RAB27B: variants seen among roughly 807,000 people sequenced by gnomAD.
The protein encoded by RAB27B is ras-related protein Rab-27B.
A neutral mutation model predicts 24.6 loss-of-function variants in RAB27B; 15 were observed. The observed-to-expected ratio is 0.61, with a 90% CI of 0.41 to 0.94. The LOEUF is 0.94. Among genes scored for constraint, RAB27B ranks in the 40% least tolerant of loss-of-function variants. RAB27B has a pLI of 0.00. For synonymous variants in RAB27B, 105 were observed against 92.5 expected (o/e 1.14, Z -0.78); for missense variants, 261 against 266.8 (o/e 0.98, Z 0.15).
intron 2 of RAB27B, among the ~76,000 whole-genome samples, chr18:54,734,039 A>G (rs370413873): frequency 3.3e-5 from 5 of 152,234 alleles, no homozygotes; most frequent in African/African-American, 9.6e-5. Flanking sequence ...AGGGTTAAAG[A>G]TAGCTTAAGA....
At chr18:54,718,110 C>T (rs1675592929) in exon 2 of RAB27B, 1 of 152,162 alleles carries the variant, frequency 6.6e-6, no homozygotes, top group South Asian at 2.1e-4. Flanking sequence ...CTAGATATTT[C>T]CAGAGGCTGC....
At position 54,865,833 on chromosome 18, in the gene RAB27B, C is replaced by A. The variant is rs553399515; in HGVS notation, c.-19-11734C>A. Among the ~76,000 whole-genome samples, 18 of 152,268 alleles carry A rather than the reference C, an allele frequency of 1.2e-4. 1 individual carries two copies. The South Asian group carries it at 3.7e-3, about 32-fold the overall frequency. On this transcript the variant is annotated intron_variant, in intron 1 of 5. Coordinates refer to ENST00000262094, the MANE Select transcript of RAB27B (RefSeq NM_004163.4). ...AACTATAGGCCAGTTCACTGAAAGA[C>A]CCTCTCAGCTGTTTATCAGGATATA...
intron 2 of RAB27B, among the ~76,000 whole-genome samples, chr18:54,776,704 G>T (rs1481037538): frequency 6.6e-6 from 1 of 152,124 alleles, no homozygotes; most frequent in Non-Finnish European, 1.5e-5. Context: ...TCAAGTTTAT[G>T]ACCAAAATGC....
intron 2 of RAB27B, among the ~76,000 whole-genome samples, chr18:54,814,703 TAAC>T (rs1287869477): frequency 6.6e-6 from 1 of 152,198 alleles, no homozygotes; most frequent in African/African-American, 2.4e-5. Context: ...ATTAATAGAA[TAAC>T]AACCATGCCA....
At chr18:54,782,625 C>T (rs1313553511) in intron 2 of RAB27B, among the ~76,000 whole-genome samples, 2 of 152,168 alleles carry the variant, frequency 1.3e-5, no homozygotes, top group Non-Finnish European at 2.9e-5. Context: ...AAAACCTCTA[C>T]AATGATTTTC....
chr18:54,719,918 G>T (rs908617537), intron 2 of RAB27B, among the ~76,000 whole-genome samples: 2 of 151,942 alleles, frequency 1.3e-5, no homozygotes, highest in African/African-American at 4.8e-5. Context: ...CACATGTCTT[G>T]TTAATAATTT....
chr18:54,841,228 A>G lies in RAB27B; in HGVS notation c.-20+12528A>G, dbSNP rs1200512800. Among the ~76,000 whole-genome samples, 5 of 147,604 alleles carry G rather than the reference A, an allele frequency of 3.4e-5. No individual in the cohort carries two copies. In the East Asian group the frequency reaches 1.0e-3, roughly 30 times the overall value. The stretch of plus-strand genomic sequence containing the variant: ...CTCCCCATCCATGGGTTCATTATCC[A>G]TAGATTTAGCCAACTGCAGATAAGA... On this transcript the variant is annotated intron_variant, in intron 1 of 5. Coordinates refer to ENST00000262094, the MANE Select transcript of RAB27B (RefSeq NM_004163.4).
chr18:54,877,411 C>T (rs1174773609), intron 1 of RAB27B, among the ~76,000 whole-genome samples, 156 bp from the exon 2 acceptor site: 5 of 152,152 alleles, frequency 3.3e-5, no homozygotes, highest in Non-Finnish European at 7.3e-5. Flanking sequence ...TGTGCCTTCA[C>T]CCCTAAAGCT....
intron 2 of RAB27B, among the ~76,000 whole-genome samples, chr18:54,743,459 G>A (rs1272379495): frequency 6.6e-6 from 1 of 152,180 alleles, no homozygotes; most frequent in Non-Finnish European, 1.5e-5. Context: ...CAAGGGCCGA[G>A]AGAGTAGGAG....
intron 5 of RAB27B, 53 bp downstream of exon 5, chr18:54,888,171 A>G (rs1353460344): frequency 2.5e-6 from 4 of 1,584,698 alleles, no homozygotes; most frequent in Admixed American, 3.5e-5. Context: ...TGTTCAGCAA[A>G]TGGAGCAGAG....
intron 1 of RAB27B, among the ~76,000 whole-genome samples, chr18:54,853,534 C>T (rs1462982240): frequency 6.6e-6 from 1 of 152,072 alleles, no homozygotes; most frequent in African/African-American, 2.4e-5. Flanking sequence ...GTGACAGCAA[C>T]AAGGAAATTG....
chr18:54,816,371 A>G (rs953022949), intron 2 of RAB27B, among the ~76,000 whole-genome samples: 1 of 152,240 alleles, frequency 6.6e-6, no homozygotes, highest in African/African-American at 2.4e-5. Flanking sequence ...GATATTTCGC[A>G]AATTTCCAAT....
intron 2 of RAB27B, among the ~76,000 whole-genome samples, chr18:54,821,452 C>A (rs1035758921): frequency 6.6e-6 from 1 of 152,084 alleles, no homozygotes; most frequent in African/African-American, 2.4e-5. Flanking sequence ...GTGAAAATGG[C>A]CATACTGCCC....
intron 2 of RAB27B, among the ~76,000 whole-genome samples, chr18:54,813,106 T>C (rs1175183461): frequency 6.6e-6 from 1 of 152,212 alleles, no homozygotes; most frequent in Non-Finnish European, 1.5e-5. Flanking sequence ...GTGGTTCTTG[T>C]CTACTGCTGT....
chr18:54,793,096 G>GT (rs5825089), intron 2 of RAB27B, among the ~76,000 whole-genome samples: 37 of 147,762 alleles, frequency 2.5e-4, no homozygotes, highest in African/African-American at 6.2e-4. Context: ...ATCAACTGTA[G>GT]TTTTTTTTTT....
At chr18:54,810,162 G>A (rs1166579071) in intron 2 of RAB27B, among the ~76,000 whole-genome samples, 2 of 152,132 alleles carry the variant, frequency 1.3e-5, no homozygotes, top group South Asian at 2.1e-4. Context: ...ATTAAAAGAT[G>A]CTGGTGTCTT....
chr18:54,732,906 C>T (rs1598864685), intron 2 of RAB27B, among the ~76,000 whole-genome samples: 1 of 152,112 alleles, frequency 6.6e-6, no homozygotes, highest in African/African-American at 2.4e-5. Context: ...TTAGACAATC[C>T]TAAGTGGCCT....
At chr18:54,765,098 A>G (rs960722640) in intron 2 of RAB27B, among the ~76,000 whole-genome samples, 6 of 152,196 alleles carry the variant, frequency 3.9e-5, no homozygotes, top group African/African-American at 9.6e-5. Flanking sequence ...ACAAAAAAAC[A>G]AACAAGCAAA....
At chr18:54,858,919 A>T (rs1598967342) in intron 1 of RAB27B, among the ~76,000 whole-genome samples, 1 of 152,300 alleles carries the variant, frequency 6.6e-6, no homozygotes, top group Admixed American at 6.5e-5. Flanking sequence ...ATTCTTTGTG[A>T]ATGACAGCTT....
Sources: gnomAD v4.1 joint callset for allele counts (sites outside exome capture counted in the v4.1 genomes callset) on GRCh38, gnomAD v4.1.1 for gene constraint, MANE v1.5 for transcripts, NCBI Gene and HGNC (gene_info 2026-07-23, HGNC 2026-07-21) for gene names.